The following RUBCNL variants were observed in gnomAD, a reference collection of about 807,000 sequenced individuals.
The protein encoded by RUBCNL is protein associated with UVRAG as autophagy enhancer.
In RUBCNL, 62 loss-of-function variants were observed where a neutral mutation model predicts 69.5. The observed-to-expected ratio is 0.89, with a 90% CI of 0.73 to 1.10. The LOEUF (loss-of-function observed/expected upper bound fraction) is 1.10, where lower values mean the gene tolerates loss of function less well. Ranked by LOEUF, RUBCNL falls within the 50% of genes least tolerant of loss-of-function variation. The probability of loss-of-function intolerance (pLI) is 0.00; values close to 1 mark genes in which losing one functional copy is unlikely to be tolerated. For missense variants in RUBCNL, 768 were observed against 798.1 expected, an observed-to-expected ratio of 0.96 and a Z score of 0.45; for synonymous variants, 291 against 303.6, an observed-to-expected ratio of 0.96 and a Z score of 0.43.
At chr13:46,346,651 C>T (rs259733) in intron 12 of RUBCNL, among the ~76,000 whole-genome samples, 61,164 of 151,996 alleles carry the variant, frequency 0.4, 13,054 homozygotes, top group East Asian at 0.59. Context: ...ACCAATGCCA[C>T]GCCAAGGCCA....
rs777372276 is a variant in RUBCNL at position 46,339,932 on chromosome 13, G to A, written c.*3453C>T. Among the ~76,000 whole-genome samples, 3 of 151,328 alleles carry A rather than the reference G, an allele frequency of 2.0e-5. No homozygotes were observed. The highest frequency in any genetic ancestry group is 4.4e-5 in the Non-Finnish European group (3 of 67,850). On this transcript the variant is annotated 3_prime_UTR_variant, in exon 15 of 15. Coordinates refer to ENST00000429979, the MANE Select transcript of RUBCNL (RefSeq NM_025113.5). ...TATTCTCTCATAATTCTCAATGTCA[G>A]AAGTTTGAAATCAAGGGGTCAGCCA...
chr13:46,347,545 G>C (rs2048273385), intron 12 of RUBCNL, among the ~76,000 whole-genome samples: 1 of 152,130 alleles, frequency 6.6e-6, no homozygotes, highest in South Asian at 2.1e-4. Flanking sequence ...CTCCCTATAA[G>C]GGGTTTTAAA....
At position 46,371,987 on chromosome 13, in the gene RUBCNL, G is replaced by A. The variant is rs769803694; in HGVS notation, c.489C>T (p.Asp163=). 2 of 1,613,882 alleles carry A rather than the reference G, an allele frequency of 1.2e-6. No individual in the cohort carries two copies. The highest frequency in any genetic ancestry group is 1.7e-5 in the Admixed American group (1 of 60,000). The part of the protein sequence containing the change: ...ILATSPYPET[D]SAFFEPSHLT... Reference sequence around the variant, plus strand: ...GATGGGAAGGCTCAAAAAAAGCACTGTCAGTCTCAGGATATGGGGAGGTGG... The same window carrying A: ...GATGGGAAGGCTCAAAAAAAGCACTATCAGTCTCAGGATATGGGGAGGTGG... The change falls in exon 3 of 15, where the codon GAC becomes GAT. Residue 163 remains aspartate, a synonymous_variant. Transcript: ENST00000429979.
At chr13:46,370,943 T>C (rs1171548696) in intron 3 of RUBCNL, among the ~76,000 whole-genome samples, 1 of 148,326 alleles carries the variant, frequency 6.7e-6, no homozygotes, top group Non-Finnish European at 1.5e-5. Context: ...AGGCCTGTAA[T>C]CAGTCTTGTC....
At chr13:46,366,778 T>C (rs1377256047) in intron 5 of RUBCNL, among the ~76,000 whole-genome samples, 2 of 152,218 alleles carry the variant, frequency 1.3e-5, no homozygotes, top group East Asian at 1.9e-4. Flanking sequence ...TTTAGACATA[T>C]TAAGTTATAG....
chr13:46,368,177 G>C lies in RUBCNL; in HGVS notation c.691C>G (p.Gln231Glu). The C allele has an allele frequency of 6.2e-7, 1 of 1,613,912 alleles. No individual in the cohort carries two copies. Among genetic ancestry groups the C allele is most frequent in the South Asian group, 1.1e-5 (1 of 91,070 alleles). ...TTACTCCAGCTCTCTGTCTGCTGTT[G>C]ACTCAGAATGTTACACTTCATTTTC... is the stretch of plus-strand genomic sequence containing the variant. ...MEKMKCNILS[Q>E]QQTESWSKEV... The change falls in exon 5 of 15, where the codon CAA (glutamine) becomes GAA (glutamate). Residue 231 changes from glutamine to glutamate, a missense_variant. Physicochemically the swap from Gln to Glu is conservative, Grantham distance 29 (BLOSUM62 2). Coordinates refer to ENST00000429979, the MANE Select transcript of RUBCNL (RefSeq NM_025113.5).
chr13:46,351,754 C>A (rs1038006794), intron 10 of RUBCNL, among the ~76,000 whole-genome samples: 16 of 151,414 alleles, frequency 1.1e-4, no homozygotes, highest in African/African-American at 3.9e-4. Flanking sequence ...TATTCACTGT[C>A]TAAATCCCCA....
intron 3 of RUBCNL, among the ~76,000 whole-genome samples, 169 bp downstream of exon 3, chr13:46,371,772 A>G (rs1360608004): frequency 6.6e-6 from 1 of 152,272 alleles, no homozygotes; most frequent in East Asian, 1.9e-4. Context: ...CTAAGGAGAA[A>G]GCCAATATTT....
chr13:46,343,520 T>A lies in RUBCNL; in HGVS notation c.1877-23A>T, dbSNP rs1458955967. 2.5e-6 allele frequency: 4 copies of A among 1,608,324 alleles called. No individual in the cohort carries two copies. In the African/African-American group the frequency reaches 4.0e-5, roughly 16 times the overall value. ...ACGCTGCAAGCAAGGAAGAGAGCCG[T>A]TAGCAAACGGTCTATCTTGTTTTCT... is the stretch of plus-strand genomic sequence containing the variant. On this transcript the variant is annotated intron_variant, in intron 14 of 14. Coordinates refer to ENST00000429979, the MANE Select transcript of RUBCNL (RefSeq NM_025113.5).
chr13:46,367,530 A>AC (rs2048784405), intron 5 of RUBCNL, among the ~76,000 whole-genome samples: 1 of 152,160 alleles, frequency 6.6e-6, no homozygotes, highest in Non-Finnish European at 1.5e-5. Flanking sequence ...TGACAACTGA[A>AC]CGGAGCATGA....
Position 46,342,515 on chromosome 13 carries a change from T to C in RUBCNL, c.*870A>G, listed in dbSNP as rs2048159594. The C allele has an allele frequency of 6.6e-6, 1 of 152,264 alleles. No homozygotes were observed. The highest frequency in any genetic ancestry group is 2.1e-4 in the South Asian group (1 of 4,838). 9.4% of individuals were successfully genotyped at this position (152,264 alleles called of 1,614,324 possible). A position where few individuals can be genotyped will look rare whatever the true frequency, so the allele number is the denominator to read the frequency against. On this transcript the variant is annotated 3_prime_UTR_variant, in exon 15 of 15. Transcript: ENST00000429979. ...AAGAAATTCATAAAGGTTTTGTGAT[T>C]CATTTAACCTTATTAGTCAATGTCT...
intron 10 of RUBCNL, among the ~76,000 whole-genome samples, chr13:46,355,109 T>G (rs1333960675): frequency 6.6e-6 from 1 of 152,278 alleles, no homozygotes; most frequent in East Asian, 1.9e-4. Context: ...TTTTATCTCT[T>G]GAAGTAGGAG....
chr13:46,361,116 T>C (rs1047045335), intron 8 of RUBCNL, among the ~76,000 whole-genome samples: 2 of 152,112 alleles, frequency 1.3e-5, no homozygotes, highest in African/African-American at 4.8e-5. Flanking sequence ...TCCCAGCTAC[T>C]TGGGAGGCTG....
chr13:46,364,629 T>TA (rs34783424), intron 5 of RUBCNL, among the ~76,000 whole-genome samples: 54,563 of 139,342 alleles, frequency 0.39, 10,597 homozygotes, highest in East Asian at 0.59. Context: ...GTTTAACTGA[T>TA]AAAAAAAAAA....
intron 14 of RUBCNL, 35 bp from the exon 15 acceptor site, chr13:46,343,532 C>T: frequency 6.2e-7 from 1 of 1,600,128 alleles, no homozygotes; most frequent in Non-Finnish European, 8.5e-7. Flanking sequence ...AGCAAACGGT[C>T]TATCTTGTTT....
intron 11 of RUBCNL, 122 bp downstream of exon 11, chr13:46,349,991 T>C: frequency 1.3e-6 from 1 of 757,614 alleles, no homozygotes; most frequent in East Asian, 2.7e-5. Context: ...GCCGCTTCAC[T>C]CGCTTTATGA....
intron 5 of RUBCNL, among the ~76,000 whole-genome samples, chr13:46,364,396 C>A (rs201348282): frequency 2.0e-5 from 3 of 148,404 alleles, no homozygotes; most frequent in Non-Finnish European, 4.5e-5. Context: ...GACTCCATCT[C>A]AAAAAAAAAA....
At chr13:46,386,775 G>T (rs2049257008) in intron 1 of RUBCNL, among the ~76,000 whole-genome samples, 2 of 152,194 alleles carry the variant, frequency 1.3e-5, no homozygotes, top group African/African-American at 2.4e-5. Flanking sequence ...AGAACACTGC[G>T]CCTGGGAGGA....
Position 46,335,242 on chromosome 13 carries a change from T to TTTTTTG in RUBCNL, c.*8142_*8143insCAAAAA, listed in dbSNP as rs1555333093. On this transcript the variant is annotated 3_prime_UTR_variant, in exon 15 of 15. Coordinates refer to ENST00000429979, the MANE Select transcript of RUBCNL (RefSeq NM_025113.5). ...ATTGTGCCCAGCTAATTTGTGTCTT[T>TTTTTTG]TTGTTGTTGTTGTTGTTGTTTTTTT... Among the ~76,000 whole-genome samples, 34 of 142,164 alleles carry TTTTTTG rather than the reference T, an allele frequency of 2.4e-4. No individual in the cohort carries two copies. The highest frequency in any genetic ancestry group is 9.0e-4 in the African/African-American group (33 of 36,724). The allele number at this position is 142,164 out of a possible 152,430, so 93.3% of individuals were successfully genotyped here.
Sources: gnomAD v4.1 joint callset for allele counts (sites outside exome capture counted in the v4.1 genomes callset) on GRCh38, gnomAD v4.1.1 for gene constraint, MANE v1.5 for transcripts, NCBI Gene and HGNC (gene_info 2026-07-23, HGNC 2026-07-21) for gene names.